The following KCNH1 variants were observed in gnomAD, a reference collection of about 807,000 sequenced individuals.
KCNH1 encodes the protein voltage-gated delayed rectifier potassium channel KCNH1.
Under a neutral mutation model 69.2 loss-of-function variants are expected in KCNH1, and 27 were observed. The ratio of observed to expected loss-of-function variants is 0.39; its 90% confidence interval spans 0.29 to 0.54. The LOEUF (loss-of-function observed/expected upper bound fraction) is 0.54. KCNH1 is among the 20% of genes least tolerant of loss of function. The probability of loss-of-function intolerance (pLI) is 0.68; values close to 1 mark genes in which losing one functional copy is unlikely to be tolerated. For synonymous variants in KCNH1, 456 were observed against 487.7 expected, an observed-to-expected ratio of 0.93 and a Z score of 0.86; for missense variants, 798 against 1,261.6, an observed-to-expected ratio of 0.63 and a Z score of 5.57.
intron 7 of KCNH1, among the ~76,000 whole-genome samples, chr1:210,828,705 A>G (rs565721374): frequency 1.6e-4 from 24 of 152,286 alleles, no homozygotes; most frequent in East Asian, 1.4e-3. Flanking sequence ...TAAGTTGTTG[A>G]TGACTAGGTT....
intron 6 of KCNH1, among the ~76,000 whole-genome samples, chr1:210,925,940 C>G (rs1034032606): frequency 1.3e-5 from 2 of 152,198 alleles, no homozygotes; most frequent in African/African-American, 4.8e-5. Flanking sequence ...AGTGCCATCT[C>G]CTGGCTGGAG....
intron 6 of KCNH1, among the ~76,000 whole-genome samples, chr1:210,967,452 T>C (rs1387834864): frequency 6.6e-6 from 1 of 152,156 alleles, no homozygotes; most frequent in African/African-American, 2.4e-5. Context: ...CTTAAGCTTT[T>C]ATTTTATCTG....
rs2148999339 is a variant in KCNH1, at chr1:210,681,456, G to C, written c.*1825C>G. On this transcript the variant is annotated 3_prime_UTR_variant, in exon 11 of 11. Coordinates refer to ENST00000271751, the MANE Select transcript of KCNH1 (RefSeq NM_172362.3). Reference sequence around the variant, plus strand: ...GCTACATATGAGGTTAGGGCTCATGGAGCAGGACTCTCCCTTGAGCTCGCA... The same window carrying C: ...GCTACATATGAGGTTAGGGCTCATGCAGCAGGACTCTCCCTTGAGCTCGCA... 6.6e-6 allele frequency: 1 copy of C among 152,348 alleles called. No individual in the cohort carries two copies. 9.4% of individuals were successfully genotyped at this position (152,348 alleles called of 1,614,324 possible). A position where few individuals can be genotyped will look rare whatever the true frequency, so the allele number is the denominator to read the frequency against.
intron 7 of KCNH1, among the ~76,000 whole-genome samples, chr1:210,886,854 A>T (rs954783512): frequency 4.6e-5 from 7 of 152,136 alleles, no homozygotes; most frequent in Non-Finnish European, 7.3e-5. Flanking sequence ...AGAAAAAAGA[A>T]TGAAAATGAA....
chr1:210,756,030 T>C (rs1201082729), intron 10 of KCNH1, among the ~76,000 whole-genome samples: 1 of 152,238 alleles, frequency 6.6e-6, no homozygotes, highest in East Asian at 1.9e-4. Flanking sequence ...CATGGCACGC[T>C]GCTAGCTATG....
intron 5 of KCNH1, among the ~76,000 whole-genome samples, chr1:211,024,441 G>A (rs75776122): frequency 0.027 from 4,037 of 152,276 alleles, 98 homozygotes; most frequent in South Asian, 0.061. Flanking sequence ...GTCCAATGTG[G>A]CTGAAGCACA....
intron 8 of KCNH1, among the ~76,000 whole-genome samples, chr1:210,799,241 C>T (rs1558474574): frequency 6.6e-6 from 1 of 152,154 alleles, no homozygotes; most frequent in African/African-American, 2.4e-5. Flanking sequence ...TATCATTTTA[C>T]AGATGAGAAA....
chr1:210,881,534 T>C (rs1456770004), intron 7 of KCNH1, among the ~76,000 whole-genome samples: 1 of 152,216 alleles, frequency 6.6e-6, no homozygotes, highest in Non-Finnish European at 1.5e-5. Flanking sequence ...GGTATCATAC[T>C]ACTTACTCAA....
intron 10 of KCNH1, among the ~76,000 whole-genome samples, chr1:210,722,809 C>G (rs1322231712): frequency 6.6e-6 from 1 of 152,154 alleles, no homozygotes; most frequent in Non-Finnish European, 1.5e-5. Flanking sequence ...TAAAGTCTAA[C>G]AGATGGAAGA....
chr1:210,781,662 G>C (rs1289087305), intron 9 of KCNH1, among the ~76,000 whole-genome samples: 1 of 152,200 alleles, frequency 6.6e-6, no homozygotes, highest in Non-Finnish European at 1.5e-5. Flanking sequence ...CAAGGGCTCA[G>C]TTCTCAGACC....
At chr1:210,840,435 A>G (rs959303752) in intron 7 of KCNH1, among the ~76,000 whole-genome samples, 2 of 152,230 alleles carry the variant, frequency 1.3e-5, no homozygotes, top group African/African-American at 4.8e-5. Flanking sequence ...CATGAGGAAC[A>G]ACTGACTGGG....
intron 6 of KCNH1, among the ~76,000 whole-genome samples, chr1:210,941,280 C>T (rs1206356378): frequency 6.6e-6 from 1 of 152,160 alleles, no homozygotes; most frequent in Non-Finnish European, 1.5e-5. Context: ...AAACATAATC[C>T]ACTTCAGTGG....
intron 1 of KCNH1, among the ~76,000 whole-genome samples, chr1:211,122,320 G>GA (rs1691702809): frequency 6.6e-6 from 1 of 152,102 alleles, no homozygotes; most frequent in African/African-American, 2.4e-5. Context: ...AAATAGTCAA[G>GA]AAAAAATAGA....
chr1:210,934,825 A>G (rs556853990), intron 6 of KCNH1, among the ~76,000 whole-genome samples: 1 of 152,078 alleles, frequency 6.6e-6, no homozygotes, highest in Non-Finnish European at 1.5e-5. Context: ...ACTCTTGTAC[A>G]CTATTGGTGT....
At chr1:210,935,705 C>T (rs1252365284) in intron 6 of KCNH1, among the ~76,000 whole-genome samples, 1 of 152,184 alleles carries the variant, frequency 6.6e-6, no homozygotes, top group East Asian at 1.9e-4. Context: ...TTAACACAAA[C>T]TTGCAATTAT....
At chr1:210,925,539 G>T (rs114898536) in intron 6 of KCNH1, among the ~76,000 whole-genome samples, 1 of 152,212 alleles carries the variant, frequency 6.6e-6, no homozygotes, top group Admixed American at 6.5e-5. Flanking sequence ...GGGACATGGT[G>T]AGAGTGAGAC....
At chr1:210,991,253 C>T (rs1688930375) in intron 6 of KCNH1, among the ~76,000 whole-genome samples, 1 of 152,160 alleles carries the variant, frequency 6.6e-6, no homozygotes, top group South Asian at 2.1e-4. Context: ...AGTATATACA[C>T]ACACTGGAAA....
At chr1:210,927,206 G>C (rs1338000580) in intron 6 of KCNH1, among the ~76,000 whole-genome samples, 2 of 151,994 alleles carry the variant, frequency 1.3e-5, no homozygotes, top group Non-Finnish European at 2.9e-5. Flanking sequence ...CCAAATAAAA[G>C]AAGCTCAAAA....
chr1:210,858,945 C>A, intron 7 of KCNH1: 1 of 462,532 alleles, frequency 2.2e-6, no homozygotes, highest in Non-Finnish European at 3.8e-6. Flanking sequence ...AAATACACCC[C>A]CTAAGGTACC....
Sources: allele counts gnomAD v4.1 joint callset (sites outside exome capture counted in the v4.1 genomes callset), GRCh38; gene constraint gnomAD v4.1.1; transcripts MANE v1.5; gene names NCBI Gene and HGNC (gene_info 2026-07-23, HGNC 2026-07-21).